The following ASB5 variants were observed in gnomAD, a reference collection of about 807,000 sequenced individuals.
ASB5 encodes ankyrin repeat and SOCS box protein 5.
A neutral mutation model predicts 42.1 loss-of-function variants in ASB5; 45 were observed. The observed-to-expected ratio is 1.07, with a 90% confidence interval of 0.84 to 1.37. ASB5 has a LOEUF of 1.37. ASB5 is among the 40% of genes most tolerant of loss of function. The pLI is 0.00. For missense variants in ASB5, 402 were observed against 399.8 expected, an observed-to-expected ratio of 1.01 and a Z score of -0.05; for synonymous variants, 147 against 150.6, an observed-to-expected ratio of 0.98 and a Z score of 0.18.
chr4:176,255,260 A>G (rs1321976221), intron 1 of ASB5, among the ~76,000 whole-genome samples: 1 of 152,170 alleles, frequency 6.6e-6, no homozygotes, highest in Non-Finnish European at 1.5e-5. Flanking sequence ...GTCATACAAC[A>G]TTGGTGGGAA....
rs1359699859 is a variant in ASB5 at position 176,219,581 on chromosome 4, T to G, written c.670+1574A>C. 1.5e-4 allele frequency among the ~76,000 whole-genome samples: 3 copies of G among 19,678 alleles called. 1 individual carries two copies. Among genetic ancestry groups the G allele is most frequent in the Admixed American group, 1.1e-3 (2 of 1,802 alleles). 12.9% of individuals were successfully genotyped at this position (19,678 alleles called of 152,430 possible). A position where few individuals can be genotyped will look rare whatever the true frequency, so the allele number is the denominator to read the frequency against. ...AATATGTATATATTTGTATGATATA[T>G]ATATATATATATATATATATATATA... On this transcript the variant is annotated intron_variant, in intron 5 of 6. Transcript: ENST00000296525.
chr4:176,238,456 G>A (rs1002785864), intron 1 of ASB5, among the ~76,000 whole-genome samples: 8 of 152,082 alleles, frequency 5.3e-5, no homozygotes, highest in African/African-American at 1.9e-4. Context: ...CAGGATGAGA[G>A]GAAAAACCAA....
In ASB5 at chr4:176,215,593, T is replaced by C; in HGVS notation, c.*7A>G. ...ATTTTCAAGGTATTTAGAATTACTT[T>C]ACTGTTTTATCGATACTGTAAGAAA... On this transcript the variant is annotated 3_prime_UTR_variant, in exon 7 of 7. Transcript: ENST00000296525. 3 of 1,608,264 alleles carry C rather than the reference T, an allele frequency of 1.9e-6. No individual in the cohort carries two copies. Among genetic ancestry groups the C allele is most frequent in the Non-Finnish European group, 2.5e-6 (3 of 1,177,372 alleles).
intron 1 of ASB5, among the ~76,000 whole-genome samples, chr4:176,252,108 C>A (rs75762840): frequency 4.1e-5 from 6 of 147,040 alleles, no homozygotes; most frequent in Non-Finnish European, 7.5e-5. Flanking sequence ...GAAAAAGACA[C>A]GCATATAAAA....
intron 1 of ASB5, among the ~76,000 whole-genome samples, chr4:176,249,957 C>T (rs930994211): frequency 8.0e-5 from 12 of 150,656 alleles, no homozygotes; most frequent in African/African-American, 2.7e-4. Flanking sequence ...CCCAGCTACT[C>T]GGGAGGCTGA....
intron 1 of ASB5, among the ~76,000 whole-genome samples, chr4:176,240,378 A>T (rs1753786502): frequency 6.6e-6 from 1 of 152,264 alleles, no homozygotes; most frequent in Non-Finnish European, 1.5e-5. Flanking sequence ...TTGTATTTCC[A>T]TTTTAACCAG....
chr4:176,269,080 A>AAT lies in ASB5; in HGVS notation c.28_29insAT (p.Phe10TyrfsTer23), dbSNP rs1365815744. Reference sequence around the variant, plus strand: ...GTAGACATTGGATAATTGTTGAGCAAACGGCCGATTTTCTTCTAACACCGA... The same window carrying AAT: ...GTAGACATTGGATAATTGTTGAGCAAATACGGCCGATTTTCTTCTAACACCGA... On this transcript the variant is annotated frameshift_variant, in exon 1 of 7. Transcript: ENST00000296525. LOFTEE classifies it high-confidence loss of function. 1 of 1,610,970 alleles carries AAT rather than the reference A, an allele frequency of 6.2e-7. No individual in the cohort carries two copies. The highest frequency in any genetic ancestry group is 8.5e-7 in the Non-Finnish European group (1 of 1,178,550).
intron 1 of ASB5, among the ~76,000 whole-genome samples, chr4:176,259,539 G>C (rs910180408): frequency 1.7e-4 from 26 of 152,188 alleles, no homozygotes; most frequent in Admixed American, 1.2e-3. Context: ...GTAGTGCATT[G>C]AGTCTGCTTT....
At chr4:176,216,633 G>A (rs529215294) in intron 6 of ASB5, among the ~76,000 whole-genome samples, 185 bp downstream of exon 6, 1 of 152,298 alleles carries the variant, frequency 6.6e-6, no homozygotes, top group South Asian at 2.1e-4. Flanking sequence ...ACAGGTGTGA[G>A]CCACCACACT....
chr4:176,256,026 C>T (rs1754149054), intron 1 of ASB5, among the ~76,000 whole-genome samples: 1 of 152,182 alleles, frequency 6.6e-6, no homozygotes, highest in African/African-American at 2.4e-5. Flanking sequence ...CAAGACTGAG[C>T]TATGTCCTGA....
rs866085892 is a variant in ASB5 at position 176,225,262 on chromosome 4, C to T, written c.276G>A (p.Gln92=). The change falls in exon 2 of 7, where the codon CAG becomes CAA. Residue 92 remains glutamine, a splice_region_variant and synonymous_variant. Transcript: ENST00000296525. Reference sequence around the variant, plus strand: ...TTTTAAACTATATGTAATATATTACCTGTGATAATAATGTTCTCAGAGCAA... The same window carrying T: ...TTTTAAACTATATGTAATATATTACTTGTGATAATAATGTTCTCAGAGCAA... ...RLLALRTLLS[Q]GYNVNAVTLD... is the part of the protein sequence containing the mutation. 3 of 1,609,064 alleles carry T rather than the reference C, an allele frequency of 1.9e-6. No homozygotes were observed. The highest frequency in any genetic ancestry group is 3.3e-4 in the Middle Eastern group (2 of 6,056).
intron 1 of ASB5, among the ~76,000 whole-genome samples, chr4:176,264,270 G>A (rs1334982866): frequency 6.6e-6 from 1 of 152,176 alleles, no homozygotes; most frequent in Non-Finnish European, 1.5e-5. Flanking sequence ...TTGGTCCATG[G>A]CCTTGCAGGC....
chr4:176,252,085 A>AAAAG (rs1754051084), intron 1 of ASB5, among the ~76,000 whole-genome samples: 3 of 30,448 alleles, frequency 9.9e-5, no homozygotes, highest in African/African-American at 1.3e-4. Context: ...AAAAAAAAAG[A>AAAAG]AAAAAAAAAA....
chr4:176,254,047 GA>G (rs1754099152), intron 1 of ASB5, among the ~76,000 whole-genome samples: 1 of 152,044 alleles, frequency 6.6e-6, no homozygotes, highest in Non-Finnish European at 1.5e-5. Context: ...CACAGAACTA[GA>G]AAAACCTATT....
rs1752915130 is a variant in ASB5, at chr4:176,214,532, T to C, written c.*1068A>G. 6.6e-6 allele frequency: 1 copy of C among 152,202 alleles called. No individual in the cohort carries two copies. Among genetic ancestry groups the C allele is most frequent in the South Asian group, 2.1e-4 (1 of 4,838 alleles). 9.4% of individuals were successfully genotyped at this position (152,202 alleles called of 1,614,324 possible). A position where few individuals can be genotyped will look rare whatever the true frequency, so the allele number is the denominator to read the frequency against. On this transcript the variant is annotated 3_prime_UTR_variant, in exon 7 of 7. Coordinates refer to ENST00000296525, the MANE Select transcript of ASB5 (RefSeq NM_080874.4). ...CTTCTTTTATACAATACTCTCTTGC[T>C]ATTACTTGCAAATACAGTATACTCT...
At chr4:176,271,345 C>G (rs996888546), upstream of ASB5, among the ~76,000 whole-genome samples, 1 of 152,262 alleles carries the variant, frequency 6.6e-6, no homozygotes, top group Non-Finnish European at 1.5e-5. Context: ...CCAAATAACA[C>G]TATGAACAAC....
At chr4:176,251,030 G>A (rs1314482326) in intron 1 of ASB5, among the ~76,000 whole-genome samples, 1 of 152,038 alleles carries the variant, frequency 6.6e-6, no homozygotes, top group Non-Finnish European at 1.5e-5. Context: ...AACAATCTGT[G>A]TTCTCTAGTC....
chr4:176,218,289 A>T (rs1753040273), intron 5 of ASB5, among the ~76,000 whole-genome samples: 3 of 94,866 alleles, frequency 3.2e-5, no homozygotes, highest in Admixed American at 1.5e-4. Context: ...ATATATATAT[A>T]TTTGTATGAT....
rs1754016125 is a variant in ASB5, at chr4:176,250,716, C to T, written c.196+18197G>A. Among the ~76,000 whole-genome samples the T allele has an allele frequency of 2.0e-5, 3 of 152,216 alleles. No individual in the cohort carries two copies. The South Asian group carries it at 6.2e-4, about 31-fold the overall frequency. On this transcript the variant is annotated intron_variant, in intron 1 of 6. Transcript: ENST00000296525. The stretch of plus-strand genomic sequence containing the variant: ...GGACTCTTTCCAATGTACTAGATTG[C>T]TAGTTAACGCCACGTGCGAACAAAT...
Sources: allele counts gnomAD v4.1 joint callset (sites outside exome capture counted in the v4.1 genomes callset), GRCh38; gene constraint gnomAD v4.1.1; transcripts MANE v1.5; gene names NCBI Gene and HGNC (gene_info 2026-07-23, HGNC 2026-07-21).